Variants in HERC1 observed in about 807,000 individuals in gnomAD.
The protein encoded by HERC1 is probable E3 ubiquitin-protein ligase HERC1.
HERC1 carries 160 observed loss-of-function variants against 554.3 expected under a neutral mutation model. The ratio of observed to expected loss-of-function variants is 0.29; its 90% CI spans 0.25 to 0.33. The LOEUF is 0.33. Among genes scored for constraint, HERC1 ranks in the 10% least tolerant of loss-of-function variants. The probability of loss-of-function intolerance (pLI) is 1.00; values close to 1 mark genes in which losing one functional copy is unlikely to be tolerated. For missense variants in HERC1, 4,919 were observed against 5,918.5 expected (o/e 0.83, Z 5.54); for synonymous variants, 2,175 against 2,131.7 (o/e 1.02, Z -0.56).
In HERC1 at chr15:63,733,304, T is replaced by A. The variant is rs550102747; in HGVS notation, c.2647-159A>T. On this transcript the variant is annotated intron_variant, in intron 13 of 77. Coordinates refer to ENST00000443617, the MANE Select transcript of HERC1 (RefSeq NM_003922.4). Reference sequence around the variant, plus strand: ...TATAAAAACTACCCAATTAATCCCATTTAGGAAATGGGATTTAGGAAAATG... The same window carrying A: ...TATAAAAACTACCCAATTAATCCCAATTAGGAAATGGGATTTAGGAAAATG... 2.6e-5 allele frequency among the ~76,000 whole-genome samples: 4 copies of A among 152,288 alleles called. No individual in the cohort carries two copies. The South Asian group carries it at 8.3e-4, about 32-fold the overall frequency.
Position 63,737,533 on chromosome 15 carries a change from A to C in HERC1, c.2521-2684T>G. Among the ~76,000 whole-genome samples the C allele has an allele frequency of 1.0e-4, 12 of 118,984 alleles. 1 individual carries two copies. The highest frequency in any genetic ancestry group is 1.7e-4 in the Admixed American group (2 of 11,932). The allele number at this position is 118,984 out of a possible 152,430, so 78.1% of individuals were successfully genotyped here. The stretch of plus-strand genomic sequence containing the variant: ...TTTTTCCAGATATATATATATATAT[A>C]TATATATATATATATCTTTTTTTTT... On this transcript the variant is annotated intron_variant, in intron 12 of 77. Coordinates refer to ENST00000443617, the MANE Select transcript of HERC1 (RefSeq NM_003922.4).
chr15:63,665,509 T>A (rs1177533215), intron 42 of HERC1, among the ~76,000 whole-genome samples: 1 of 152,090 alleles, frequency 6.6e-6, no homozygotes, highest in East Asian at 1.9e-4. Flanking sequence ...CACTCCAGCC[T>A]GGCGACAGAG....
intron 2 of HERC1, among the ~76,000 whole-genome samples, chr15:63,773,705 G>A (rs554121461): frequency 2.4e-4 from 37 of 151,358 alleles, no homozygotes; most frequent in Non-Finnish European, 4.6e-4. Context: ...CACCACACCC[G>A]GATAATTTTT....
chr15:63,745,578 C>T (rs564139873), intron 12 of HERC1, among the ~76,000 whole-genome samples: 7 of 152,298 alleles, frequency 4.6e-5, no homozygotes, highest in African/African-American at 1.7e-4. Flanking sequence ...TTGTGTTCTC[C>T]CTCCCCAAGC....
At chr15:63,773,444 CA>C (rs370465670) in intron 2 of HERC1, among the ~76,000 whole-genome samples, 1,197 of 72,948 alleles carry the variant, frequency 0.016, 9 homozygotes, top group African/African-American at 0.055. Context: ...GACTCTGTCT[CA>C]AAAAAAAAAA....
chr15:63,774,751 T>C lies in HERC1; in HGVS notation c.873A>G (p.Glu291=), dbSNP rs1317080497. Residue 291 remains glutamate, a synonymous_variant, in exon 2 of 78, where the codon GAA becomes GAG. Transcript: ENST00000443617. ...MEKGKLLSSQ[E]GMISFDCFMT... ...TAAAGCAGTCAAAGCTGATCATTCCTTCCTGGCTTGAGAGTAGTTTGCCTT... is the reference window on the plus strand; with the variant it reads ...TAAAGCAGTCAAAGCTGATCATTCCCTCCTGGCTTGAGAGTAGTTTGCCTT... 1 of 1,614,010 alleles carries C rather than the reference T, an allele frequency of 6.2e-7. No individual in the cohort carries two copies. Among genetic ancestry groups the C allele is most frequent in the African/African-American group, 1.3e-5 (1 of 75,064 alleles).
chr15:63,614,380 G>A (rs894448693), intron 76 of HERC1, among the ~76,000 whole-genome samples: 7 of 152,206 alleles, frequency 4.6e-5, no homozygotes, highest in African/African-American at 1.7e-4. Flanking sequence ...CTGGCACCAT[G>A]GCTGGCGTGC....
At chr15:63,705,027 G>A (rs978100757) in intron 25 of HERC1, among the ~76,000 whole-genome samples, 3 of 151,776 alleles carry the variant, frequency 2.0e-5, no homozygotes, top group African/African-American at 4.8e-5. Context: ...CATGAGCCAC[G>A]ACACCCCACC....
Position 63,739,229 on chromosome 15 carries a change from G to A in HERC1, c.2521-4380C>T, listed in dbSNP as rs140516202. Among the ~76,000 whole-genome samples, 1,036 of 115,706 alleles carry A rather than the reference G, an allele frequency of 9.0e-3. 17 individuals are homozygous for A. The highest frequency in any genetic ancestry group is 0.033 in the African/African-American group (995 of 29,856). The allele number at this position is 115,706 out of a possible 152,430, so 75.9% of individuals were successfully genotyped here. A position where few individuals can be genotyped will look rare whatever the true frequency, so the allele number is the denominator to read the frequency against. On this transcript the variant is annotated intron_variant, in intron 12 of 77. Coordinates refer to ENST00000443617, the MANE Select transcript of HERC1 (RefSeq NM_003922.4). ...TTTTTTTTTTTTTAGATGGAGACTC[G>A]TTCTGTTGCCCAGGCTGGAGTGCAG...
Position 63,713,601 on chromosome 15 carries a change from G to A in HERC1, c.4215C>T (p.Asn1405=), listed in dbSNP as rs2073408545. The A allele has an allele frequency of 6.2e-7, 1 of 1,613,560 alleles. No individual in the cohort carries two copies. The highest frequency in any genetic ancestry group is 8.5e-7 in the Non-Finnish European group (1 of 1,179,760). ...CTCGAGCCCCAGACCCTGCCCCACT[G>A]TTCATTCTATCTCGGTCTCGGCTAC... The part of the protein sequence containing the change: ...VARSRDRDRM[N]SGAGSGARAD... The change falls in exon 23 of 78, where the codon AAC becomes AAT. Residue 1405 remains asparagine (N), a synonymous_variant. Coordinates refer to ENST00000443617, the MANE Select transcript of HERC1 (RefSeq NM_003922.4).
intron 21 of HERC1, among the ~76,000 whole-genome samples, chr15:63,717,581 A>G (rs1045265118): frequency 5.3e-5 from 8 of 152,160 alleles, no homozygotes; most frequent in Non-Finnish European, 1.0e-4. Flanking sequence ...CGGCCAGGTG[A>G]GGTGGCTCAC....
chr15:63,668,518 AACT>A (rs1168196653), intron 40 of HERC1, among the ~76,000 whole-genome samples: 1 of 152,172 alleles, frequency 6.6e-6, no homozygotes, highest in Non-Finnish European at 1.5e-5. Context: ...AGCAAGACCT[AACT>A]ACTACAACAT....
rs750853134 is a variant in HERC1, at chr15:63,658,726, A to C, written c.9425-8T>G. On this transcript the variant is annotated splice_polypyrimidine_tract_variant and splice_region_variant and intron_variant, in intron 47 of 77. Coordinates refer to ENST00000443617, the MANE Select transcript of HERC1 (RefSeq NM_003922.4). The stretch of plus-strand genomic sequence containing the variant: ...CTACGGAGCCATGGCAACCTGAAAA[A>C]CATAATTCTGTTTTGTTCTCAACAA... 3 of 1,604,972 alleles carry C rather than the reference A, an allele frequency of 1.9e-6. No individual in the cohort carries two copies. The highest frequency in any genetic ancestry group is 1.7e-5 in the Admixed American group (1 of 58,946).
At chr15:63,801,510 A>G (rs2076987115) in intron 1 of HERC1, among the ~76,000 whole-genome samples, 3 of 152,202 alleles carry the variant, frequency 2.0e-5, no homozygotes, top group Admixed American at 2.0e-4. Context: ...GTGAGTAAAA[A>G]CAGCAAAGAC....
intron 74 of HERC1, among the ~76,000 whole-genome samples, chr15:63,620,045 G>A (rs1309361711): frequency 6.6e-6 from 1 of 152,108 alleles, no homozygotes. Context: ...GCTTTTGAAT[G>A]TGTTTGCTCT....
chr15:63,811,234 G>A (rs1176173834), intron 1 of HERC1, among the ~76,000 whole-genome samples: 3 of 152,196 alleles, frequency 2.0e-5, no homozygotes, highest in African/African-American at 7.2e-5. Flanking sequence ...AAGTATTGTG[G>A]TTAAGTTGGA....
chr15:63,689,310 G>C lies in HERC1; in HGVS notation c.6048+279C>G, dbSNP rs184326420. Among the ~76,000 whole-genome samples the C allele has an allele frequency of 0.011, 1,724 of 152,304 alleles. 19 individuals carry two copies. The highest frequency in any genetic ancestry group is 0.02 in the Middle Eastern group (6 of 294). Reference sequence around the variant, plus strand: ...AAGAGATAATGAGAAGAAAGTGGCTGAAACATGCAGATTACTCTTCTAAGA... The same window carrying C: ...AAGAGATAATGAGAAGAAAGTGGCTCAAACATGCAGATTACTCTTCTAAGA... On this transcript the variant is annotated intron_variant, in intron 33 of 77. Transcript: ENST00000443617.
At chr15:63,821,749 A>AAAAAAAAAAAAAAAAAAAAAAC (rs2077706197) in intron 1 of HERC1, among the ~76,000 whole-genome samples, 1 of 150,358 alleles carries the variant, frequency 6.7e-6, no homozygotes, top group African/African-American at 2.4e-5. Flanking sequence ...AAAAAAAAAA[A>AAAAAAAAAAAAAAAAAAAAAAC]ATCAGATAAT....
At chr15:63,827,325 T>C (rs1291812218) in intron 1 of HERC1, among the ~76,000 whole-genome samples, 1 of 151,664 alleles carries the variant, frequency 6.6e-6, no homozygotes, top group African/African-American at 2.4e-5. Flanking sequence ...GGGTGGCTGA[T>C]GAAGGAGGAT....
Sources: allele counts gnomAD v4.1 joint callset (sites outside exome capture counted in the v4.1 genomes callset), GRCh38; gene constraint gnomAD v4.1.1; transcripts MANE v1.5; gene names NCBI Gene and HGNC (gene_info 2026-07-23, HGNC 2026-07-21).